Variants in L3MBTL4 observed in about 807,000 individuals in gnomAD.
L3MBTL4 encodes the protein L3MBTL histone methyl-lysine binding protein 4.
Under a neutral mutation model 84.5 loss-of-function variants are expected in L3MBTL4, and 70 were observed. That is an observed-to-expected ratio of 0.83 (90% confidence interval 0.68 to 1.01). The LOEUF (loss-of-function observed/expected upper bound fraction) is 1.01. L3MBTL4 is among the 50% of genes least tolerant of loss of function. L3MBTL4 has a pLI of 0.00. For missense variants in L3MBTL4, 715 were observed against 754.8 expected (o/e 0.95, Z 0.62); for synonymous variants, 274 against 259.8 (o/e 1.05, Z -0.52).
chr18:6,382,700 G>C (rs907765636), intron 1 of L3MBTL4, among the ~76,000 whole-genome samples: 2 of 152,170 alleles, frequency 1.3e-5, no homozygotes, highest in Admixed American at 1.3e-4. Context: ...ATTCCAAAGG[G>C]GCACCTGCCA....
chr18:6,066,429 C>A (rs1378176916), intron 16 of L3MBTL4, among the ~76,000 whole-genome samples: 1 of 152,030 alleles, frequency 6.6e-6, no homozygotes, highest in African/African-American at 2.4e-5. Context: ...TCTTGATGAT[C>A]TTCTAGTACT....
At chr18:6,372,428 G>A (rs889308391) in intron 1 of L3MBTL4, among the ~76,000 whole-genome samples, 2 of 152,186 alleles carry the variant, frequency 1.3e-5, no homozygotes, top group Non-Finnish European at 2.9e-5. Context: ...AATAACACAG[G>A]CTTATTTGTA....
chr18:6,052,038 G>C (rs1335008153), intron 16 of L3MBTL4, among the ~76,000 whole-genome samples: 1 of 152,198 alleles, frequency 6.6e-6, no homozygotes, highest in Non-Finnish European at 1.5e-5. Context: ...TTCCCTTGCA[G>C]TTTCCCTAAT....
intron 4 of L3MBTL4, among the ~76,000 whole-genome samples, chr18:6,275,537 G>T (rs2049044756): frequency 6.6e-6 from 1 of 152,132 alleles, no homozygotes; most frequent in South Asian, 2.1e-4. Context: ...AAAAAACAGG[G>T]AATGTGTGCT....
At chr18:6,218,375 T>G (rs2046411331) in intron 10 of L3MBTL4, among the ~76,000 whole-genome samples, 1 of 151,278 alleles carries the variant, frequency 6.6e-6, no homozygotes, top group African/African-American at 2.4e-5. Context: ...TTTTGAACCA[T>G]GCCCACACCT....
intron 4 of L3MBTL4, among the ~76,000 whole-genome samples, chr18:6,269,443 C>A (rs569160742): frequency 6.6e-6 from 1 of 151,816 alleles, no homozygotes; most frequent in Non-Finnish European, 1.5e-5. Flanking sequence ...GGTGACGGAG[C>A]GAGACTCTGC....
chr18:6,244,381 C>G (rs931169834), intron 6 of L3MBTL4, 103 bp downstream of exon 6: 19 of 724,890 alleles, frequency 2.6e-5, no homozygotes, highest in Non-Finnish European at 4.2e-5. Context: ...CCATAATGCA[C>G]TGGAACTTCT....
chr18:5,998,843 C>T (rs994963916), intron 16 of L3MBTL4, among the ~76,000 whole-genome samples: 6 of 152,214 alleles, frequency 3.9e-5, no homozygotes, highest in African/African-American at 1.4e-4. Flanking sequence ...CCAGCTGCCA[C>T]TTGCAGTCAC....
At chr18:6,241,337 G>T (rs750123292) in intron 8 of L3MBTL4, 21 bp downstream of exon 8, 11 of 1,366,328 alleles carry the variant, frequency 8.1e-6, no homozygotes, top group Non-Finnish European at 1.0e-5. Flanking sequence ...TTTGATTTAT[G>T]CTGGGAAAGA....
intron 4 of L3MBTL4, among the ~76,000 whole-genome samples, chr18:6,264,885 G>A (rs1194203242): frequency 6.6e-6 from 1 of 152,182 alleles, no homozygotes; most frequent in Non-Finnish European, 1.5e-5. Flanking sequence ...AAACACAAGA[G>A]TTTTTTTCCT....
At chr18:6,225,062 G>C (rs1008018995) in intron 10 of L3MBTL4, among the ~76,000 whole-genome samples, 2 of 152,120 alleles carry the variant, frequency 1.3e-5, no homozygotes, top group African/African-American at 4.8e-5. Flanking sequence ...AAAGTAGGGG[G>C]GAGCGTTCCC....
intron 5 of L3MBTL4, among the ~76,000 whole-genome samples, chr18:6,254,412 C>CTTTTTTTTTTTTTTTTTTT (rs763440464): frequency 8.9e-6 from 1 of 112,730 alleles, no homozygotes; most frequent in African/African-American, 3.6e-5. Context: ...AAAGTGACAC[C>CTTTTTTTTTTTTTTTTTTT]TTTTTTTTTT....
At chr18:6,101,935 T>G (rs2058847018) in intron 14 of L3MBTL4, among the ~76,000 whole-genome samples, 1 of 152,126 alleles carries the variant, frequency 6.6e-6, no homozygotes, top group Admixed American at 6.6e-5. Context: ...ACCCCTTCCA[T>G]CTGACCCCAG....
intron 14 of L3MBTL4, among the ~76,000 whole-genome samples, chr18:6,130,565 A>G (rs1051282125): frequency 2.3e-4 from 35 of 152,164 alleles, no homozygotes; most frequent in African/African-American, 6.3e-4. Context: ...AGGCCTTCAC[A>G]TTGTAACAAT....
chr18:6,198,277 T>C (rs1399075025), intron 12 of L3MBTL4, among the ~76,000 whole-genome samples: 2 of 152,226 alleles, frequency 1.3e-5, no homozygotes, highest in East Asian at 3.8e-4. Flanking sequence ...TCCATTTGTC[T>C]GTTTCATTTC....
intron 1 of L3MBTL4, among the ~76,000 whole-genome samples, chr18:6,359,753 G>C (rs980062791): frequency 5.9e-5 from 9 of 151,984 alleles, no homozygotes; most frequent in African/African-American, 1.5e-4. Context: ...AGATCCTTAC[G>C]CAAAGGAGAC....
chr18:6,063,299 CTGTGTGTGTGTG>C lies in L3MBTL4; in HGVS notation c.1444+17570_1444+17581del, dbSNP rs61413638. 2.4e-4 allele frequency among the ~76,000 whole-genome samples: 34 copies of C among 141,244 alleles called. 1 individual carries two copies. The highest frequency in any genetic ancestry group is 7.0e-3 in the Middle Eastern group (2 of 284). The allele number at this position is 141,244 out of a possible 152,430, so 92.7% of individuals were successfully genotyped here. On this transcript the variant is annotated intron_variant, in intron 16 of 18. Coordinates refer to ENST00000317931, the MANE Select transcript of L3MBTL4 (RefSeq NM_001330559.2). ...CTGAGACTTGCGCTACTATAAATATCTGTGTGTGTGTGTGTGTGTGTGTGTGTGTGTGTGTGT... is the reference window on the plus strand; with the variant it reads ...CTGAGACTTGCGCTACTATAAATATCTGTGTGTGTGTGTGTGTGTGTGTGT...
intron 12 of L3MBTL4, among the ~76,000 whole-genome samples, chr18:6,195,026 A>G (rs536958892): frequency 6.6e-6 from 1 of 152,354 alleles, no homozygotes; most frequent in East Asian, 1.9e-4. Flanking sequence ...CACCTGTAGA[A>G]TGAAGGGAAT....
rs142220681 is a variant in L3MBTL4, at chr18:6,343,553, T to C, written c.-90-31497A>G. On this transcript the variant is annotated intron_variant, in intron 1 of 18. Transcript: ENST00000317931. Reference sequence around the variant, plus strand: ...GGTGGGCACCTGTAGTCCCAGCTATTTGGGAGGCTGAGGCAGGAGAATGGC... The same window carrying C: ...GGTGGGCACCTGTAGTCCCAGCTATCTGGGAGGCTGAGGCAGGAGAATGGC... Among the ~76,000 whole-genome samples, 1,319 of 151,812 alleles carry C rather than the reference T, an allele frequency of 8.7e-3. 22 individuals are homozygous for C. The highest frequency in any genetic ancestry group is 0.031 in the African/African-American group (1,266 of 41,346).
Sources: gnomAD v4.1 joint callset for allele counts (sites outside exome capture counted in the v4.1 genomes callset) on GRCh38, gnomAD v4.1.1 for gene constraint, MANE v1.5 for transcripts, NCBI Gene and HGNC (gene_info 2026-07-23, HGNC 2026-07-21) for gene names.